MLLT3: variants seen among roughly 807,000 people sequenced by gnomAD.
MLLT3 encodes MLLT3 super elongation complex subunit.
In MLLT3, 4 loss-of-function variants were observed where a neutral mutation model predicts 53.2. That is an observed-to-expected ratio of 0.08 (90% CI 0.04 to 0.17). MLLT3 has a LOEUF of 0.17. Ranked by LOEUF, MLLT3 falls within the 10% of genes least tolerant of loss-of-function variation. The pLI is 1.00. For synonymous variants in MLLT3, 283 were observed against 230.6 expected, an observed-to-expected ratio of 1.23 and a Z score of -2.06; for missense variants, 569 against 684.0, an observed-to-expected ratio of 0.83 and a Z score of 1.87.
At chr9:20,476,459 T>C (rs1166126131) in intron 2 of MLLT3, among the ~76,000 whole-genome samples, 2 of 152,140 alleles carry the variant, frequency 1.3e-5, no homozygotes, top group Non-Finnish European at 2.9e-5. Flanking sequence ...TTCATTACAG[T>C]GTGTAAATTT....
intron 2 of MLLT3, among the ~76,000 whole-genome samples, chr9:20,458,872 G>A (rs752173946): frequency 1.3e-5 from 2 of 152,202 alleles, no homozygotes; most frequent in African/African-American, 4.8e-5. Flanking sequence ...ACTGAAGCCA[G>A]GGAGGAAATC....
At chr9:20,594,963 C>A (rs1246004612) in intron 2 of MLLT3, among the ~76,000 whole-genome samples, 5 of 152,144 alleles carry the variant, frequency 3.3e-5, no homozygotes, top group African/African-American at 1.2e-4. Flanking sequence ...ATAAAAATGT[C>A]CAAACAGCAG....
At chr9:20,376,779 G>A (rs940047948) in intron 5 of MLLT3, among the ~76,000 whole-genome samples, 3 of 152,108 alleles carry the variant, frequency 2.0e-5, no homozygotes, top group African/African-American at 7.2e-5. Flanking sequence ...TGCTACGATT[G>A]TAGCCAGAAC....
chr9:20,476,056 G>T (rs1411265230), intron 2 of MLLT3, among the ~76,000 whole-genome samples: 1 of 151,466 alleles, frequency 6.6e-6, no homozygotes. Flanking sequence ...TTAATGCGCT[G>T]TTTTTTTTGT....
At chr9:20,369,692 C>A (rs555656329) in intron 5 of MLLT3, among the ~76,000 whole-genome samples, 2 of 152,230 alleles carry the variant, frequency 1.3e-5, no homozygotes, top group East Asian at 3.9e-4. Context: ...TAAAATGTCA[C>A]ATTTATCTTC....
intron 5 of MLLT3, among the ~76,000 whole-genome samples, chr9:20,410,119 T>C (rs574335757): frequency 1.3e-5 from 2 of 152,208 alleles, no homozygotes; most frequent in African/African-American, 2.4e-5. Context: ...CCATACACCT[T>C]GTGACGACAA....
chr9:20,367,304 A>G (rs1028003437), intron 5 of MLLT3, among the ~76,000 whole-genome samples: 16 of 152,222 alleles, frequency 1.1e-4, no homozygotes, highest in Admixed American at 1.0e-3. Context: ...TTTTCTTGTT[A>G]GAGGTACAAC....
At chr9:20,348,554 T>C (rs969094227) in intron 10 of MLLT3, among the ~76,000 whole-genome samples, 8 of 152,176 alleles carry the variant, frequency 5.3e-5, no homozygotes, top group African/African-American at 9.7e-5. Flanking sequence ...TTTAAGCCAC[T>C]ATCTCGACCA....
At chr9:20,605,297 A>G (rs1253378018) in intron 2 of MLLT3, among the ~76,000 whole-genome samples, 2 of 152,134 alleles carry the variant, frequency 1.3e-5, no homozygotes, top group African/African-American at 4.8e-5. Context: ...CTATCAATGT[A>G]TCTGAGATAC....
intron 4 of MLLT3, among the ~76,000 whole-genome samples, chr9:20,422,872 GTAA>G (rs754655791): frequency 6.6e-6 from 1 of 152,168 alleles, no homozygotes. Flanking sequence ...GGTGGCAGCG[GTAA>G]TAGCTTAATG....
intron 3 of MLLT3, among the ~76,000 whole-genome samples, chr9:20,449,882 C>G (rs932196571): frequency 6.6e-6 from 1 of 152,156 alleles, no homozygotes; most frequent in Non-Finnish European, 1.5e-5. Flanking sequence ...CCTTAAATGT[C>G]CTTTACCTTT....
At chr9:20,538,567 A>T (rs1429995363) in intron 2 of MLLT3, among the ~76,000 whole-genome samples, 1 of 152,248 alleles carries the variant, frequency 6.6e-6, no homozygotes, top group Non-Finnish European at 1.5e-5. Context: ...AAATTCGTAT[A>T]CCAAAGTTGC....
intron 2 of MLLT3, among the ~76,000 whole-genome samples, chr9:20,547,669 T>C (rs1253384388): frequency 7.3e-6 from 1 of 136,640 alleles, no homozygotes; most frequent in Non-Finnish European, 1.6e-5. Flanking sequence ...AAAAGGTACA[T>C]ACACTGGACA....
chr9:20,479,111 G>A (rs1442358866), intron 2 of MLLT3, among the ~76,000 whole-genome samples: 1 of 152,154 alleles, frequency 6.6e-6, no homozygotes, highest in Non-Finnish European at 1.5e-5. Flanking sequence ...TTTAATTAGA[G>A]AGGAGTGGGT....
At chr9:20,498,785 T>C (rs1297513901) in intron 2 of MLLT3, among the ~76,000 whole-genome samples, 1 of 152,202 alleles carries the variant, frequency 6.6e-6, no homozygotes, top group Non-Finnish European at 1.5e-5. Context: ...TGTTAACAAA[T>C]ATTTTCTCCC....
At position 20,589,101 on chromosome 9, in the gene MLLT3, C is replaced by G. The variant is rs550503388; in HGVS notation, c.193+31553G>C. Among the ~76,000 whole-genome samples the G allele has an allele frequency of 6.2e-3, 925 of 149,988 alleles. 14 individuals carry two copies. The highest frequency in any genetic ancestry group is 0.022 in the African/African-American group (897 of 40,804). On this transcript the variant is annotated intron_variant, in intron 2 of 10. Transcript: ENST00000380338. Reference sequence around the variant, plus strand: ...CATTACTGGGTATATACCCAAAGGACTATAAATCATGCTGCTATAAAGACG... The same window carrying G: ...CATTACTGGGTATATACCCAAAGGAGTATAAATCATGCTGCTATAAAGACG...
intron 2 of MLLT3, among the ~76,000 whole-genome samples, chr9:20,585,331 C>T (rs1450285117): frequency 6.6e-6 from 1 of 152,176 alleles, no homozygotes; most frequent in African/African-American, 2.4e-5. Context: ...TATAAAGACA[C>T]TAATTCCATC....
At chr9:20,527,928 A>G (rs544970572) in intron 2 of MLLT3, among the ~76,000 whole-genome samples, 1 of 152,354 alleles carries the variant, frequency 6.6e-6, no homozygotes, top group African/African-American at 2.4e-5. Flanking sequence ...TCCTGATTTC[A>G]GAAATGAGGA....
At chr9:20,500,069 C>T (rs965669663) in intron 2 of MLLT3, among the ~76,000 whole-genome samples, 2 of 152,226 alleles carry the variant, frequency 1.3e-5, no homozygotes, top group African/African-American at 4.8e-5. Context: ...TAATAAGTCA[C>T]CATCAAGCTT....
Sources: allele counts gnomAD v4.1 joint callset (sites outside exome capture counted in the v4.1 genomes callset), GRCh38; gene constraint gnomAD v4.1.1; transcripts MANE v1.5; gene names NCBI Gene and HGNC (gene_info 2026-07-23, HGNC 2026-07-21).